The following PLCH1 variants were observed in gnomAD, a reference collection of about 807,000 sequenced individuals.
PLCH1 encodes the protein 1-phosphatidylinositol 4,5-bisphosphate phosphodiesterase eta-1.
Under a neutral mutation model 126.7 loss-of-function variants are expected in PLCH1, and 60 were observed. The observed-to-expected ratio is 0.47, with a 90% confidence interval of 0.38 to 0.59. The LOEUF is 0.59. Ranked by LOEUF, PLCH1 falls within the 20% of genes least tolerant of loss-of-function variation. The probability of loss-of-function intolerance (pLI) is 0.00; values close to 1 mark genes in which losing one functional copy is unlikely to be tolerated. For missense variants in PLCH1, 1,723 were observed against 2,040.0 expected (o/e 0.84, Z 2.99); for synonymous variants, 719 against 734.9 (o/e 0.98, Z 0.35).
intron 6 of PLCH1, among the ~76,000 whole-genome samples, chr3:155,571,102 T>A (rs1729165189): frequency 6.6e-6 from 1 of 152,148 alleles, no homozygotes; most frequent in Non-Finnish European, 1.5e-5. Context: ...ATCCTCAGAC[T>A]TCCTGTAAGT....
intron 4 of PLCH1, among the ~76,000 whole-genome samples, chr3:155,592,196 G>C: frequency 8.0e-6 from 1 of 125,204 alleles, no homozygotes; most frequent in East Asian, 2.3e-4. Flanking sequence ...AAAAAAAAAA[G>C]ATTCGTGGCC....
At chr3:155,688,134 C>G (rs7636687) in intron 2 of PLCH1, among the ~76,000 whole-genome samples, 33,205 of 152,160 alleles carry the variant, frequency 0.22, 4,104 homozygotes, top group African/African-American at 0.34. Context: ...CTGTCTCATA[C>G]AGCCCTGCTG....
intron 2 of PLCH1, among the ~76,000 whole-genome samples, chr3:155,683,670 A>G (rs920599780): frequency 6.6e-6 from 1 of 152,234 alleles, no homozygotes; most frequent in Non-Finnish European, 1.5e-5. Flanking sequence ...ATCAGTGTTA[A>G]TCATAACATT....
chr3:155,563,723 T>C (rs914153355), intron 8 of PLCH1, among the ~76,000 whole-genome samples: 7 of 152,004 alleles, frequency 4.6e-5, no homozygotes, highest in Admixed American at 4.6e-4. Context: ...TCACTATAGA[T>C]ATTAAAACCT....
intron 8 of PLCH1, among the ~76,000 whole-genome samples, chr3:155,558,055 T>G (rs954706927): frequency 6.6e-6 from 1 of 152,208 alleles, no homozygotes; most frequent in African/African-American, 2.4e-5. Flanking sequence ...AAAAGACTTA[T>G]TGCTCTTCCT....
In PLCH1 at chr3:155,594,170, T is replaced by C. The variant is rs1435055072; in HGVS notation, c.241A>G (p.Ile81Val). ...TGCCGGCCCTCAGTCACTTTGTAAA[T>C]GGAATCAATAAGTACTGTGAGGAAA... Reference protein sequence around the residue: ...SEKAKILIDSIYKVTEGRQSE... With the variant: ...SEKAKILIDSVYKVTEGRQSE... Residue 81 changes from isoleucine (I) to valine (V), a missense_variant, in exon 4 of 23, where the codon ATT (isoleucine) becomes GTT (valine). Coordinates refer to ENST00000460012, the MANE Select transcript of PLCH1 (RefSeq NM_014996.4). The C allele has an allele frequency of 6.2e-7, 1 of 1,613,680 alleles. No individual in the cohort carries two copies. Among genetic ancestry groups the C allele is most frequent in the African/African-American group, 1.3e-5 (1 of 74,828 alleles).
chr3:155,712,418 G>A (rs896357329), intron 1 of PLCH1, among the ~76,000 whole-genome samples: 1 of 152,182 alleles, frequency 6.6e-6, no homozygotes, highest in Admixed American at 6.5e-5. Flanking sequence ...ATTTTCAAAT[G>A]TGACGCAAAT....
At chr3:155,601,990 G>C (rs1289013881) in intron 2 of PLCH1, among the ~76,000 whole-genome samples, 2 of 152,020 alleles carry the variant, frequency 1.3e-5, no homozygotes, top group Non-Finnish European at 2.9e-5. Context: ...TAATGTTTTT[G>C]AGTTTTCTAT....
At position 155,648,339 on chromosome 3, in the gene PLCH1, T is replaced by C. The variant is rs78143516; in HGVS notation, c.80-51961A>G. 3.1e-3 allele frequency among the ~76,000 whole-genome samples: 470 copies of C among 152,278 alleles called. 2 individuals are homozygous for C. Among genetic ancestry groups the C allele is most frequent in the African/African-American group, 0.011 (438 of 41,546 alleles). Reference sequence around the variant, plus strand: ...CCATCACCACAAGATGTTAGGGCCTTGGGAAGGAAAAGCAGTCCTAAAAGG... The same window carrying C: ...CCATCACCACAAGATGTTAGGGCCTCGGGAAGGAAAAGCAGTCCTAAAAGG... On this transcript the variant is annotated intron_variant, in intron 2 of 22. Transcript: ENST00000460012.
chr3:155,617,875 G>C (rs1735985293), intron 2 of PLCH1, among the ~76,000 whole-genome samples: 1 of 152,118 alleles, frequency 6.6e-6, no homozygotes, highest in Admixed American at 6.5e-5. Context: ...TTTCTAACAA[G>C]CCCAGGAGCC....
chr3:155,644,532 G>A (rs1371619810), intron 2 of PLCH1, among the ~76,000 whole-genome samples: 1 of 152,158 alleles, frequency 6.6e-6, no homozygotes, highest in Non-Finnish European at 1.5e-5. Context: ...GAACCTGGGA[G>A]GCGGAAGTTG....
chr3:155,609,504 G>A (rs927057454), intron 2 of PLCH1, among the ~76,000 whole-genome samples: 1 of 152,130 alleles, frequency 6.6e-6, no homozygotes, highest in East Asian at 1.9e-4. Flanking sequence ...ACCCTCAAAA[G>A]ATCACACTAG....
At chr3:155,476,992 T>C (rs993565694), downstream of PLCH1, among the ~76,000 whole-genome samples, 8 of 152,114 alleles carry the variant, frequency 5.3e-5, no homozygotes, top group African/African-American at 1.7e-4. Flanking sequence ...ATTACCTGAC[T>C]TCAAATTATA....
intron 2 of PLCH1, among the ~76,000 whole-genome samples, chr3:155,621,703 G>A (rs192215911): frequency 5.6e-4 from 85 of 152,212 alleles, no homozygotes; most frequent in Admixed American, 4.6e-3. Context: ...AAGAAGACAA[G>A]ATTAGAGAAA....
At chr3:155,632,024 G>A (rs1333460786) in intron 2 of PLCH1, among the ~76,000 whole-genome samples, 1 of 151,384 alleles carries the variant, frequency 6.6e-6, no homozygotes, top group African/African-American at 2.4e-5. Flanking sequence ...TTCCAGAAAT[G>A]TGAGGATCCA....
intron 6 of PLCH1, among the ~76,000 whole-genome samples, chr3:155,577,064 C>A (rs966961579): frequency 6.6e-6 from 1 of 152,040 alleles, no homozygotes; most frequent in Non-Finnish European, 1.5e-5. Flanking sequence ...TGTCTCCTAG[C>A]CTAGATAGCA....
intron 21 of PLCH1, among the ~76,000 whole-genome samples, chr3:155,460,969 CTA>C (rs1470434516): frequency 1.3e-5 from 2 of 152,126 alleles, no homozygotes; most frequent in Non-Finnish European, 2.9e-5. Flanking sequence ...TAGTTTGTGT[CTA>C]TTATTTTGCT....
chr3:155,698,861 A>G (rs1746032135), intron 2 of PLCH1, among the ~76,000 whole-genome samples: 1 of 152,150 alleles, frequency 6.6e-6, no homozygotes, highest in African/African-American at 2.4e-5. Flanking sequence ...AATGGGAGGT[A>G]GAGAGCCTTT....
At chr3:155,466,425 G>C (rs1434985686) in intron 21 of PLCH1, among the ~76,000 whole-genome samples, 1 of 152,204 alleles carries the variant, frequency 6.6e-6, no homozygotes, top group Non-Finnish European at 1.5e-5. Flanking sequence ...GAACCACACT[G>C]TTACTAGGCT....
Sources: gnomAD v4.1 joint callset for allele counts (sites outside exome capture counted in the v4.1 genomes callset) on GRCh38, gnomAD v4.1.1 for gene constraint, MANE v1.5 for transcripts, NCBI Gene and HGNC (gene_info 2026-07-23, HGNC 2026-07-21) for gene names.